Variants in PTPRK observed in about 807,000 individuals in gnomAD.
PTPRK encodes the protein receptor-type tyrosine-protein phosphatase kappa.
PTPRK carries 75 observed loss-of-function variants against 178.0 expected under a neutral mutation model. The observed-to-expected ratio is 0.42, with a 90% CI of 0.35 to 0.51. The LOEUF (loss-of-function observed/expected upper bound fraction) is 0.51, where lower values mean the gene tolerates loss of function less well. PTPRK is among the 20% of genes least tolerant of loss of function. The pLI is 0.02. For synonymous variants in PTPRK, 637 were observed against 620.6 expected (o/e 1.03, Z -0.39); for missense variants, 1,441 against 1,797.8 (o/e 0.80, Z 3.59).
At chr6:127,984,931 C>T (rs181049637) in intron 22 of PTPRK, among the ~76,000 whole-genome samples, 1 of 152,098 alleles carries the variant, frequency 6.6e-6, no homozygotes, top group East Asian at 1.9e-4. Context: ...TTTTTTTCCC[C>T]TCTTTTATAC....
At chr6:128,360,426 G>A (rs751207326) in intron 2 of PTPRK, among the ~76,000 whole-genome samples, 9 of 152,116 alleles carry the variant, frequency 5.9e-5, no homozygotes, top group Non-Finnish European at 1.2e-4. Context: ...CCATCTCTTT[G>A]AAATTTCATC....
Position 128,018,682 on chromosome 6 carries a change from C to G in PTPRK, c.2195-9414G>C, listed in dbSNP as rs190258624. On this transcript the variant is annotated intron_variant, in intron 13 of 29. Coordinates refer to ENST00000368226, the MANE Select transcript of PTPRK (RefSeq NM_002844.4). ...ACATGTAAAGTGCTAAGGACAATATCTGGTACTTCATAAAGCCTCAGTAAG... is the reference window on the plus strand; with the variant it reads ...ACATGTAAAGTGCTAAGGACAATATGTGGTACTTCATAAAGCCTCAGTAAG... 6.8e-4 allele frequency among the ~76,000 whole-genome samples: 104 copies of G among 152,088 alleles called. 1 individual carries two copies. The highest frequency in any genetic ancestry group is 2.2e-3 in the African/African-American group (91 of 41,510).
intron 13 of PTPRK, among the ~76,000 whole-genome samples, chr6:128,018,472 A>G (rs1284518910): frequency 6.6e-6 from 1 of 152,064 alleles, no homozygotes; most frequent in Non-Finnish European, 1.5e-5. Context: ...ACTAATAGTG[A>G]ACATTCTTGT....
intron 3 of PTPRK, among the ~76,000 whole-genome samples, chr6:128,314,773 A>G (rs964263268): frequency 2.0e-5 from 3 of 152,130 alleles, no homozygotes; most frequent in East Asian, 1.9e-4. Flanking sequence ...ACACAGGTCA[A>G]ATGAGAACTA....
At position 128,262,809 on chromosome 6, in the gene PTPRK, CT is replaced by C. The variant is rs1299423913; in HGVS notation, c.496-20208del. On this transcript the variant is annotated intron_variant, in intron 3 of 29. Coordinates refer to ENST00000368226, the MANE Select transcript of PTPRK (RefSeq NM_002844.4). ...TATAATACAAAGTTAAATGGTACTT[CT>C]TTTTTTTTTTTCCCAAGAATTTTTA... 2.0e-3 allele frequency among the ~76,000 whole-genome samples: 186 copies of C among 93,698 alleles called. 1 individual carries two copies. The highest frequency in any genetic ancestry group is 7.8e-3 in the Middle Eastern group (1 of 128). 61.5% of individuals were successfully genotyped at this position (93,698 alleles called of 152,430 possible). A position where few individuals can be genotyped will look rare whatever the true frequency, so the allele number is the denominator to read the frequency against.
chr6:128,389,343 CAT>C (rs1039245824), intron 2 of PTPRK, among the ~76,000 whole-genome samples: 1 of 150,688 alleles, frequency 6.6e-6, no homozygotes, highest in African/African-American at 2.4e-5. Flanking sequence ...TAATTAATAT[CAT>C]ATATATTTTT....
At chr6:128,054,428 C>T (rs1208044844) in intron 13 of PTPRK, among the ~76,000 whole-genome samples, 2 of 152,190 alleles carry the variant, frequency 1.3e-5, no homozygotes, top group Non-Finnish European at 2.9e-5. Context: ...AGAAATTTCA[C>T]ATCTATTATT....
intron 11 of PTPRK, among the ~76,000 whole-genome samples, chr6:128,068,548 AC>A: frequency 6.6e-6 from 1 of 152,290 alleles, no homozygotes; most frequent in African/African-American, 2.4e-5. Flanking sequence ...CAATTACTTT[AC>A]AAAGGAGAGA....
chr6:128,262,730 A>G (rs948516110), intron 3 of PTPRK, among the ~76,000 whole-genome samples: 8 of 152,068 alleles, frequency 5.3e-5, no homozygotes, highest in African/African-American at 1.9e-4. Flanking sequence ...ATTTATACGA[A>G]AAGTCTTTTT....
chr6:127,989,237 C>A (rs527330306), intron 21 of PTPRK, among the ~76,000 whole-genome samples: 3 of 152,128 alleles, frequency 2.0e-5, no homozygotes, highest in African/African-American at 7.2e-5. Context: ...ATAATATGAG[C>A]TAGTTATTCA....
chr6:128,199,935 T>A (rs1371590124), intron 6 of PTPRK, among the ~76,000 whole-genome samples: 1 of 150,586 alleles, frequency 6.6e-6, no homozygotes, highest in Admixed American at 6.6e-5. Flanking sequence ...CTTCTGCCTA[T>A]GAGATGGATC....
intron 1 of PTPRK, among the ~76,000 whole-genome samples, chr6:128,398,251 G>A (rs1257319084): frequency 3.9e-5 from 6 of 152,122 alleles, no homozygotes; most frequent in Admixed American, 6.5e-5. Flanking sequence ...GTGGTGGCCC[G>A]CAATCAACAT....
rs79489212 is a variant in PTPRK at position 128,078,938 on chromosome 6, A to T, written c.1778-20T>A. On this transcript the variant is annotated intron_variant, in intron 10 of 29. Coordinates refer to ENST00000368226, the MANE Select transcript of PTPRK (RefSeq NM_002844.4). Reference sequence around the variant, plus strand: ...TTGGAGCTGATGAGTGATTAATGAGATAAAAAAGGTTCAATTAATTTACAG... The same window carrying T: ...TTGGAGCTGATGAGTGATTAATGAGTTAAAAAAGGTTCAATTAATTTACAG... 16,197 of 1,497,136 alleles carry T rather than the reference A, an allele frequency of 0.011. 231 individuals are homozygous for T. Among genetic ancestry groups the T allele is most frequent in the Non-Finnish European group, 0.01 (11,163 of 1,074,972 alleles). 92.7% of individuals were successfully genotyped at this position (1,497,136 alleles called of 1,614,324 possible).
At chr6:128,489,126 T>C (rs893891713) in intron 1 of PTPRK, among the ~76,000 whole-genome samples, 9 of 152,208 alleles carry the variant, frequency 5.9e-5, no homozygotes, top group Admixed American at 3.3e-4. Flanking sequence ...TTTCCACAAA[T>C]CATAAACTTG....
At chr6:128,338,872 C>T (rs1465505753) in intron 2 of PTPRK, among the ~76,000 whole-genome samples, 2 of 17,802 alleles carry the variant, frequency 1.1e-4, no homozygotes, top group African/African-American at 2.1e-4. Context: ...GAAAAACTGC[C>T]GTAAACAAAA....
intron 14 of PTPRK, chr6:128,006,037 G>A (rs767505143): frequency 1.4e-5 from 22 of 1,570,218 alleles, no homozygotes; most frequent in Non-Finnish European, 1.7e-5. Flanking sequence ...GGTAGTAGGA[G>A]TAAGAATAGT....
At chr6:128,078,581 C>G (rs1784256080) in intron 11 of PTPRK, among the ~76,000 whole-genome samples, 1 of 151,790 alleles carries the variant, frequency 6.6e-6, no homozygotes, top group South Asian at 2.1e-4. Context: ...ACATAATCAC[C>G]TTTTATTAAA....
At chr6:128,123,532 A>G (rs113484038) in intron 7 of PTPRK, among the ~76,000 whole-genome samples, 3,905 of 152,318 alleles carry the variant, frequency 0.026, 76 homozygotes, top group Middle Eastern at 0.092. Flanking sequence ...ATATATCCAT[A>G]TAGCATTTCC....
At chr6:128,034,049 A>G (rs1775797177) in intron 13 of PTPRK, among the ~76,000 whole-genome samples, 1 of 152,210 alleles carries the variant, frequency 6.6e-6, no homozygotes. Flanking sequence ...ACTTAGGACC[A>G]TCTTCTTGAA....
Sources: gnomAD v4.1 joint callset for allele counts (sites outside exome capture counted in the v4.1 genomes callset) on GRCh38, gnomAD v4.1.1 for gene constraint, MANE v1.5 for transcripts, NCBI Gene and HGNC (gene_info 2026-07-23, HGNC 2026-07-21) for gene names.